Variants in MBD3L1 observed in about 807,000 individuals in gnomAD.
MBD3L1 encodes the protein methyl-CpG binding domain protein 3 like 1, also known as methyl-CpG-binding domain protein 3-like 1.
For missense variants in MBD3L1, 203 were observed against 230.1 expected, an observed-to-expected ratio of 0.88 and a Z score of 0.76; for synonymous variants, 84 against 85.1, an observed-to-expected ratio of 0.99 and a Z score of 0.07.
At chr19:8,840,734 GA>G (rs1344829978) in intron 1 of MBD3L1, among the ~76,000 whole-genome samples, 180 bp from the exon 2 acceptor site, 24 of 152,240 alleles carry the variant, frequency 1.6e-4, no homozygotes, top group Non-Finnish European at 2.9e-4. Flanking sequence ...TATCTATGAG[GA>G]AAAAAGAAAG....
At position 8,839,061 on chromosome 19, in the gene MBD3L1, T is replaced by A. The variant is rs182216789; in HGVS notation, c.-106-1854T>A. On this transcript the variant is annotated intron_variant, in intron 1 of 2. Transcript: ENST00000595891. ...ATGAGACCTTTTAAATGATTTTTGTTTTTTGTAATGAGTTCCAGAAATCCA... is the reference window on the plus strand; with the variant it reads ...ATGAGACCTTTTAAATGATTTTTGTATTTTGTAATGAGTTCCAGAAATCCA... 5.4e-4 allele frequency among the ~76,000 whole-genome samples: 82 copies of A among 152,328 alleles called. 1 individual carries two copies. In the East Asian group the frequency reaches 9.4e-3, roughly 18 times the overall value.
chr19:8,832,992 G>C (rs1410530361), intron 1 of MBD3L1: 1 of 153,700 alleles, frequency 6.5e-6, no homozygotes, highest in Non-Finnish European at 1.4e-5. Context: ...CCTGGGGGCG[G>C]GGCTGACTGT....
chr19:8,833,019 TG>T (rs1568481623), intron 1 of MBD3L1: 1 of 113,390 alleles, frequency 8.8e-6, no homozygotes, highest in Non-Finnish European at 1.9e-5. Flanking sequence ...AGACCAGTTC[TG>T]GGGGCGGGAC....
intron 1 of MBD3L1, among the ~76,000 whole-genome samples, chr19:8,833,708 G>A (rs1025486487): frequency 6.6e-6 from 1 of 152,088 alleles, no homozygotes; most frequent in Non-Finnish European, 1.5e-5. Flanking sequence ...CTAAGTGCTG[G>A]TTGGACCTGG....
At chr19:8,832,756 T>A (rs1362233892) in intron 1 of MBD3L1, among the ~76,000 whole-genome samples, 1 of 148,416 alleles carries the variant, frequency 6.7e-6, no homozygotes, top group Non-Finnish European at 1.5e-5. Flanking sequence ...CGGGGATGAC[T>A]GAGCAGAGAC....
chr19:8,833,664 T>C (rs967434002), intron 1 of MBD3L1: 6 of 152,224 alleles, frequency 3.9e-5, no homozygotes, highest in African/African-American at 1.2e-4. Context: ...ATGTGATAAA[T>C]AGAATACATG....
At chr19:8,839,387 A>C (rs2145351539) in intron 1 of MBD3L1, among the ~76,000 whole-genome samples, 1 of 151,784 alleles carries the variant, frequency 6.6e-6, no homozygotes, top group South Asian at 2.1e-4. Context: ...TTTTTAGTAG[A>C]GATGGGGTTT....
intron 1 of MBD3L1, among the ~76,000 whole-genome samples, chr19:8,832,783 G>A (rs1049666992): frequency 3.3e-5 from 5 of 151,918 alleles, no homozygotes; most frequent in African/African-American, 1.2e-4. Context: ...CAGGGGTGGA[G>A]ACCTCCATTT....
At chr19:8,840,190 A>C (rs2044497946) in intron 1 of MBD3L1, among the ~76,000 whole-genome samples, 1 of 152,054 alleles carries the variant, frequency 6.6e-6, no homozygotes, top group African/African-American at 2.4e-5. Flanking sequence ...TCTCAAAAAA[A>C]AAAAAAAAAC....
At chr19:8,838,276 A>AAAAAAAAAAAAAAAAAAAAC (rs2044475858) in intron 1 of MBD3L1, among the ~76,000 whole-genome samples, 1 of 146,790 alleles carries the variant, frequency 6.8e-6, no homozygotes, top group Non-Finnish European at 1.5e-5. Flanking sequence ...AAAAAAAAAA[A>AAAAAAAAAAAAAAAAAAAAC]AAAAAAAGAT....
intron 1 of MBD3L1, among the ~76,000 whole-genome samples, chr19:8,834,003 A>AAC (rs1424481307): frequency 2.7e-5 from 4 of 147,816 alleles, no homozygotes; most frequent in Non-Finnish European, 4.5e-5. Context: ...ACAAAACAAA[A>AAC]CAAAAACCAA....
chr19:8,842,287 A>T (rs2044520845), intron 2 of MBD3L1, among the ~76,000 whole-genome samples: 1 of 146,770 alleles, frequency 6.8e-6, no homozygotes, highest in Non-Finnish European at 1.5e-5. Flanking sequence ...TGATTGCACC[A>T]CTGCACTCCA....
rs1599313951 is a variant in MBD3L1, at chr19:8,842,615, T to C, written c.-21-43T>C. ...AGATCCTTGTCCTGAGAAGGCAGGC[T>C]TCATTGATCAATTTGACCCCATTTC... On this transcript the variant is annotated intron_variant, in intron 2 of 2. Transcript: ENST00000595891. 3 of 1,394,464 alleles carry C rather than the reference T, an allele frequency of 2.2e-6. No homozygotes were observed. The East Asian group carries it at 6.9e-5, about 32-fold the overall frequency. 86.4% of individuals were successfully genotyped at this position (1,394,464 alleles called of 1,614,324 possible).
At chr19:8,841,329 G>A (rs1407476756) in intron 2 of MBD3L1, among the ~76,000 whole-genome samples, 9 of 151,690 alleles carry the variant, frequency 5.9e-5, no homozygotes, top group African/African-American at 1.5e-4. Context: ...CACCGTGCCC[G>A]GCCTCTAAGG....
intron 1 of MBD3L1, among the ~76,000 whole-genome samples, 170 bp from the exon 2 acceptor site, chr19:8,840,745 G>C (rs915694164): frequency 1.3e-5 from 2 of 152,194 alleles, no homozygotes; most frequent in African/African-American, 4.8e-5. Flanking sequence ...AAAAAAGAAA[G>C]CTGGAGAAAA....
chr19:8,835,043 A>G (rs539365142), intron 1 of MBD3L1, among the ~76,000 whole-genome samples: 1 of 151,902 alleles, frequency 6.6e-6, no homozygotes, highest in East Asian at 1.9e-4. Context: ...AAAAGTGAAC[A>G]AAGAGTTTTT....
In MBD3L1 at chr19:8,843,240, G is replaced by T; in HGVS notation, c.562G>T (p.Glu188Ter). The stretch of plus-strand genomic sequence containing the variant: ...TGAGGCAGAGAAAGTGAGAGACCAA[G>T]AAGGCCGTCCTGAAAAACGCTAAGA... Reference protein sequence around the residue: ...ANEAEKVRDQEGRPEKR With the variant: ...ANEAEKVRDQ The change falls in exon 3 of 3, where the codon GAA becomes TAA. Residue 188 changes from glutamate (E) to a stop codon, truncating the protein, a stop_gained. Transcript: ENST00000595891. LOFTEE classifies it low-confidence loss of function (END_TRUNC). The T allele has an allele frequency of 6.3e-7, 1 of 1,593,100 alleles. No homozygotes were observed. Among genetic ancestry groups the T allele is most frequent in the Non-Finnish European group, 8.5e-7 (1 of 1,170,794 alleles).
chr19:8,836,149 G>A (rs2044452869), intron 1 of MBD3L1, among the ~76,000 whole-genome samples: 1 of 152,074 alleles, frequency 6.6e-6, no homozygotes, highest in African/African-American at 2.4e-5. Flanking sequence ...TTAAAAGGTT[G>A]AATATTATGG....
intron 1 of MBD3L1, among the ~76,000 whole-genome samples, chr19:8,840,540 A>T (rs2044501767): frequency 6.6e-6 from 1 of 152,144 alleles, no homozygotes; most frequent in African/African-American, 2.4e-5. Context: ...CCTGTGTTCA[A>T]GTGGCCCTCC....
Sources: allele counts gnomAD v4.1 joint callset (sites outside exome capture counted in the v4.1 genomes callset), GRCh38; gene constraint gnomAD v4.1.1; transcripts MANE v1.5; gene names NCBI Gene and HGNC (gene_info 2026-07-23, HGNC 2026-07-21).